NALF1: variants seen among roughly 807,000 people sequenced by gnomAD.
NALF1 encodes NALCN channel auxiliary factor 1.
In NALF1, 3 loss-of-function variants were observed where a neutral mutation model predicts 48.4. The observed-to-expected ratio is 0.06, with a 90% confidence interval of 0.03 to 0.16. The LOEUF is 0.16. Ranked by LOEUF, NALF1 falls within the 10% of genes least tolerant of loss-of-function variation. NALF1 has a pLI of 1.00. For synonymous variants in NALF1, 262 were observed against 245.7 expected, an observed-to-expected ratio of 1.07 and a Z score of -0.62; for missense variants, 526 against 571.5, an observed-to-expected ratio of 0.92 and a Z score of 0.81.
chr13:107,584,660 AT>A lies in NALF1; in HGVS notation c.915+281021del, dbSNP rs1878402607. 3.3e-5 allele frequency among the ~76,000 whole-genome samples: 5 copies of A among 152,256 alleles called. No homozygotes were observed. The South Asian group carries it at 1.0e-3, about 32-fold the overall frequency. On this transcript the variant is annotated intron_variant, in intron 1 of 2. Transcript: ENST00000375915. ...TGACTAAACTGCCCTCATACTTTTT[AT>A]TACTCGTATTTTTCACTTGTGATAT...
At chr13:107,414,654 T>A (rs1884053723) in intron 1 of NALF1, among the ~76,000 whole-genome samples, 1 of 151,946 alleles carries the variant, frequency 6.6e-6, no homozygotes, top group Admixed American at 6.6e-5. Flanking sequence ...AATAATATTT[T>A]CCATCTTCCT....
At chr13:107,354,123 A>G (rs1184435554) in intron 1 of NALF1, among the ~76,000 whole-genome samples, 1 of 152,210 alleles carries the variant, frequency 6.6e-6, no homozygotes, top group Admixed American at 6.6e-5. Flanking sequence ...GAAGTGCTTC[A>G]AATTATAAAA....
chr13:107,653,730 G>A (rs907940982), intron 1 of NALF1, among the ~76,000 whole-genome samples: 2 of 151,860 alleles, frequency 1.3e-5, no homozygotes, highest in African/African-American at 4.8e-5. Context: ...AACAACTCCA[G>A]AGCTATTTTT....
intron 1 of NALF1, among the ~76,000 whole-genome samples, chr13:107,479,806 G>A (rs1885227150): frequency 6.6e-6 from 1 of 152,112 alleles, no homozygotes; most frequent in Non-Finnish European, 1.5e-5. Flanking sequence ...AAATTTGCCT[G>A]TATAACTTTT....
At chr13:107,511,152 C>T (rs1243337668) in intron 1 of NALF1, among the ~76,000 whole-genome samples, 3 of 152,164 alleles carry the variant, frequency 2.0e-5, no homozygotes, top group Non-Finnish European at 4.4e-5. Context: ...GGATGGAGGG[C>T]ATCCACAGTA....
intron 1 of NALF1, among the ~76,000 whole-genome samples, chr13:107,307,514 C>T (rs1169201836): frequency 6.7e-6 from 1 of 150,270 alleles, no homozygotes; most frequent in Non-Finnish European, 1.5e-5. Flanking sequence ...GAGTCTCGCT[C>T]TGTCACCCAG....
Position 107,255,239 on chromosome 13 carries a change from G to A in NALF1, c.916-44484C>T, listed in dbSNP as rs549456470. 3.1e-4 allele frequency among the ~76,000 whole-genome samples: 47 copies of A among 152,264 alleles called. No individual in the cohort carries two copies. In the South Asian group the frequency reaches 7.9e-3, roughly 25 times the overall value. On this transcript the variant is annotated intron_variant, in intron 1 of 2. Coordinates refer to ENST00000375915, the MANE Select transcript of NALF1 (RefSeq NM_001080396.3). ...CAGAAAACACAATCGACTGCTTCCC[G>A]CTTTGCTACCTCTTTGTTCCTTTAT...
chr13:107,275,794 AT>A (rs200638557), intron 1 of NALF1, among the ~76,000 whole-genome samples: 2 of 152,160 alleles, frequency 1.3e-5, no homozygotes, highest in Non-Finnish European at 2.9e-5. Context: ...GGTGTCCTGT[AT>A]TTTTGTTCAC....
At chr13:107,805,721 A>C (rs1241857019) in intron 1 of NALF1, among the ~76,000 whole-genome samples, 1 of 152,202 alleles carries the variant, frequency 6.6e-6, no homozygotes, top group Admixed American at 6.6e-5. Context: ...TCACAGGAGC[A>C]AATGTACACA....
intron 1 of NALF1, among the ~76,000 whole-genome samples, chr13:107,376,985 G>A (rs1433382977): frequency 6.6e-6 from 1 of 152,190 alleles, no homozygotes; most frequent in African/African-American, 2.4e-5. Context: ...TTCTCTGGCC[G>A]CATTTAATGC....
chr13:107,464,376 C>A (rs895177771), intron 1 of NALF1, among the ~76,000 whole-genome samples: 1 of 152,116 alleles, frequency 6.6e-6, no homozygotes, highest in African/African-American at 2.4e-5. Context: ...AAGGGGGCAG[C>A]ACCAAAGTCA....
chr13:107,738,244 A>G (rs9520567), intron 1 of NALF1, among the ~76,000 whole-genome samples: 4,356 of 152,266 alleles, frequency 0.029, 90 homozygotes, highest in Middle Eastern at 0.051. Flanking sequence ...GTGACCGAAA[A>G]CACTTTCTAG....
chr13:107,484,846 G>A (rs1885303534), intron 1 of NALF1, among the ~76,000 whole-genome samples: 1 of 152,068 alleles, frequency 6.6e-6, no homozygotes, highest in Non-Finnish European at 1.5e-5. Context: ...CATATAAGCA[G>A]GGAAAGCCAG....
At chr13:107,194,502 A>G (rs1230232060) in intron 2 of NALF1, among the ~76,000 whole-genome samples, 1 of 152,186 alleles carries the variant, frequency 6.6e-6, no homozygotes, top group Non-Finnish European at 1.5e-5. Flanking sequence ...ACTGGTGTTG[A>G]GAAAACTGAT....
intron 1 of NALF1, among the ~76,000 whole-genome samples, chr13:107,558,805 C>T (rs1244279033): frequency 3.9e-5 from 6 of 152,192 alleles, no homozygotes; most frequent in African/African-American, 1.4e-4. Context: ...ACATGTCTGT[C>T]GAGGTCCTGG....
chr13:107,380,233 T>C (rs1883409278), intron 1 of NALF1, among the ~76,000 whole-genome samples: 1 of 152,244 alleles, frequency 6.6e-6, no homozygotes, highest in African/African-American at 2.4e-5. Flanking sequence ...CTAGTATTTC[T>C]AATGTTCCTA....
chr13:107,315,495 C>T (rs1230655338), intron 1 of NALF1, among the ~76,000 whole-genome samples: 1 of 152,070 alleles, frequency 6.6e-6, no homozygotes, highest in Non-Finnish European at 1.5e-5. Flanking sequence ...CTCTTGGATA[C>T]TTACTTTGTC....
At chr13:107,678,486 G>A (rs944867086) in intron 1 of NALF1, among the ~76,000 whole-genome samples, 5 of 152,212 alleles carry the variant, frequency 3.3e-5, no homozygotes, top group African/African-American at 4.8e-5. Context: ...GTCCTACACC[G>A]TCCTAGGGAC....
intron 1 of NALF1, among the ~76,000 whole-genome samples, chr13:107,377,318 C>A (rs1883356314): frequency 6.6e-6 from 1 of 152,224 alleles, no homozygotes; most frequent in Non-Finnish European, 1.5e-5. Flanking sequence ...GATCTGGAGG[C>A]AGCTCTGTGT....
Sources: allele counts gnomAD v4.1 joint callset (sites outside exome capture counted in the v4.1 genomes callset), GRCh38; gene constraint gnomAD v4.1.1; transcripts MANE v1.5; gene names NCBI Gene and HGNC (gene_info 2026-07-23, HGNC 2026-07-21).